Variants in PALM2AKAP2 observed in about 807,000 individuals in gnomAD.
The protein encoded by PALM2AKAP2 is PALM2 and AKAP2 fusion, also known as PALM2-AKAP2 fusion protein.
PALM2AKAP2 carries 37 observed loss-of-function variants against 71.5 expected under a neutral mutation model. That is an observed-to-expected ratio of 0.52 (90% CI 0.40 to 0.68). The LOEUF is 0.68. PALM2AKAP2 is among the 30% of genes least tolerant of loss of function. The pLI, the probability that PALM2AKAP2 is intolerant of heterozygous loss-of-function variation, is 0.00. For missense variants in PALM2AKAP2, 1,224 were observed against 1,191.8 expected (o/e 1.03, Z -0.40); for synonymous variants, 468 against 478.8 (o/e 0.98, Z 0.29).
At chr9:109,932,140 C>T in intron 6 of PALM2AKAP2, 112 bp downstream of exon 6, 3 of 1,165,550 alleles carry the variant, frequency 2.6e-6, no homozygotes, top group Non-Finnish European at 3.4e-6. Flanking sequence ...AGCTCACCTT[C>T]AGCCCAGCCT....
intron 3 of PALM2AKAP2, among the ~76,000 whole-genome samples, chr9:109,885,219 T>C (rs1829937836): frequency 6.6e-6 from 1 of 152,174 alleles, no homozygotes; most frequent in Admixed American, 6.5e-5. Context: ...TTGGTGGTGG[T>C]TTGGAAGGGC....
At chr9:109,824,833 C>T (rs1228444626) in intron 1 of PALM2AKAP2, among the ~76,000 whole-genome samples, 1 of 152,184 alleles carries the variant, frequency 6.6e-6, no homozygotes, top group Non-Finnish European at 1.5e-5. Context: ...AATGCAAGGT[C>T]AGATCTCTTG....
chr9:109,681,691 T>G (rs1587865572), intron 1 of PALM2AKAP2, among the ~76,000 whole-genome samples: 1 of 152,220 alleles, frequency 6.6e-6, no homozygotes, highest in South Asian at 2.1e-4. Flanking sequence ...AAATTTGAAC[T>G]GCAGAGCGAA....
intron 1 of PALM2AKAP2, among the ~76,000 whole-genome samples, chr9:109,834,139 G>T (rs570177085): frequency 6.6e-6 from 1 of 152,230 alleles, no homozygotes; most frequent in Non-Finnish European, 1.5e-5. Flanking sequence ...CTTGAACCTG[G>T]GAGGTGGATG....
At chr9:109,739,682 C>A (rs891188757) in intron 1 of PALM2AKAP2, among the ~76,000 whole-genome samples, 27 of 152,226 alleles carry the variant, frequency 1.8e-4, no homozygotes, top group African/African-American at 5.8e-4. Flanking sequence ...TCAGGAATTT[C>A]TTCCTCCTCT....
intron 1 of PALM2AKAP2, among the ~76,000 whole-genome samples, chr9:109,787,968 C>T (rs797019011): frequency 2.8e-4 from 42 of 152,302 alleles, no homozygotes; most frequent in African/African-American, 9.6e-4. Flanking sequence ...GTTGTAATAT[C>T]GGGTTGCATT....
chr9:110,144,605 A>T (rs972447353), intron 2 of PALM2AKAP2, among the ~76,000 whole-genome samples: 2 of 152,242 alleles, frequency 1.3e-5, no homozygotes, highest in Non-Finnish European at 2.9e-5. Context: ...TAGAAAAGTA[A>T]TACAATGAAC....
chr9:109,944,909 G>T (rs531806638), intron 6 of PALM2AKAP2: 3 of 152,182 alleles, frequency 2.0e-5, no homozygotes, highest in African/African-American at 7.2e-5. Flanking sequence ...TAAGTTATTT[G>T]CCCATTTATA....
At chr9:109,788,278 T>TGTCA (rs893414962) in intron 1 of PALM2AKAP2, among the ~76,000 whole-genome samples, 1 of 152,200 alleles carries the variant, frequency 6.6e-6, no homozygotes, top group Non-Finnish European at 1.5e-5. Context: ...GCCTAACTCA[T>TGTCA]GTCAGTCAGG....
rs954248513 is a variant in PALM2AKAP2, at chr9:109,975,597, A to G, written c.497-40357A>G. Among the ~76,000 whole-genome samples the G allele has an allele frequency of 4.6e-5, 7 of 152,248 alleles. 1 individual carries two copies. Among genetic ancestry groups the G allele is most frequent in the South Asian group, 2.1e-4 (1 of 4,834 alleles). On this transcript the variant is annotated intron_variant, in intron 6 of 9. Coordinates refer to the PALM2AKAP2 transcript ENST00000302798. Reference sequence around the variant, plus strand: ...ATTAACCATCACAGTAGGTATATGTATCTTCTTACCCTTGATTGTATTTGA... The same window carrying G: ...ATTAACCATCACAGTAGGTATATGTGTCTTCTTACCCTTGATTGTATTTGA...
chr9:109,893,010 C>T (rs1830119749), intron 3 of PALM2AKAP2, among the ~76,000 whole-genome samples: 1 of 152,170 alleles, frequency 6.6e-6, no homozygotes, highest in Admixed American at 6.5e-5. Context: ...AGGGCTGTCA[C>T]TGCACTGAGA....
Position 109,645,363 on chromosome 9 carries a change from C to G in PALM2AKAP2, c.5+4497C>G, listed in dbSNP as rs144856541. 4.7e-3 allele frequency among the ~76,000 whole-genome samples: 710 copies of G among 152,248 alleles called. 6 individuals are homozygous for G. Among genetic ancestry groups the G allele is most frequent in the African/African-American group, 0.016 (668 of 41,542 alleles). On this transcript the variant is annotated intron_variant, in intron 1 of 6. Transcript: ENST00000374531. ...CCTGCCCCCATGATTCAATCATCTC[C>G]CACCAGGTGCTTTCCAACACATGGG...
intron 1 of PALM2AKAP2, among the ~76,000 whole-genome samples, chr9:109,670,043 T>C (rs2118486749): frequency 6.6e-6 from 1 of 152,296 alleles, no homozygotes; most frequent in South Asian, 2.1e-4. Context: ...CATTTCCTTT[T>C]AAGTACATTA....
intron 1 of PALM2AKAP2, among the ~76,000 whole-genome samples, chr9:109,781,297 A>G (rs1441070537): frequency 6.6e-6 from 1 of 152,242 alleles, no homozygotes; most frequent in African/African-American, 2.4e-5. Context: ...AGTGTTGCCA[A>G]TGATCCACAG....
intron 3 of PALM2AKAP2, among the ~76,000 whole-genome samples, 171 bp downstream of exon 9, chr9:110,156,668 T>G (rs1021901820): frequency 2.0e-5 from 3 of 152,212 alleles, no homozygotes; most frequent in Admixed American, 1.3e-4. Context: ...TTTGGGTTTT[T>G]GCCTGTTTCA....
chr9:109,886,716 C>G (rs79154056), intron 3 of PALM2AKAP2, among the ~76,000 whole-genome samples: 27 of 152,264 alleles, frequency 1.8e-4, no homozygotes, highest in African/African-American at 5.8e-4. Context: ...CTGAGTTTCT[C>G]TAATTTGAGG....
intron 3 of PALM2AKAP2, among the ~76,000 whole-genome samples, chr9:109,914,180 T>C (rs1369238983): frequency 6.6e-6 from 1 of 152,216 alleles, no homozygotes; most frequent in African/African-American, 2.4e-5. Flanking sequence ...CCAGACCTGT[T>C]CCACTTTAAC....
At chr9:110,143,860 T>C (rs944239150) in intron 2 of PALM2AKAP2, among the ~76,000 whole-genome samples, 23 of 152,260 alleles carry the variant, frequency 1.5e-4, no homozygotes, top group Non-Finnish European at 2.6e-4. Context: ...TCTGTTCATG[T>C]CTTCTAATTT....
At chr9:110,156,340 C>G in exon 3 of PALM2AKAP2, 1 of 1,587,398 alleles carries the variant, frequency 6.3e-7, no homozygotes, top group African/African-American at 1.4e-5. Flanking sequence ...AAAGTCAAAC[C>G]TCCTCCATCC....
Sources: gnomAD v4.1 joint callset for allele counts (sites outside exome capture counted in the v4.1 genomes callset) on GRCh38, gnomAD v4.1.1 for gene constraint, MANE v1.5 for transcripts, NCBI Gene and HGNC (gene_info 2026-07-23, HGNC 2026-07-21) for gene names.